ANKRD13B: variants seen among roughly 807,000 people sequenced by gnomAD.
ANKRD13B encodes ankyrin repeat domain-containing protein 13B.
Under a neutral mutation model 74.4 loss-of-function variants are expected in ANKRD13B, and 33 were observed. The observed-to-expected ratio is 0.44, with a 90% CI of 0.34 to 0.59. ANKRD13B has a LOEUF of 0.59. ANKRD13B is among the 20% of genes least tolerant of loss of function. ANKRD13B has a pLI of 0.02. For missense variants in ANKRD13B, 676 were observed against 877.9 expected, an observed-to-expected ratio of 0.77 and a Z score of 2.91; for synonymous variants, 341 against 362.9, an observed-to-expected ratio of 0.94 and a Z score of 0.68.
At chr17:29,596,171 G>A (rs543364438) in intron 1 of ANKRD13B, among the ~76,000 whole-genome samples, 20 of 152,374 alleles carry the variant, frequency 1.3e-4, no homozygotes, top group Admixed American at 2.6e-4. Context: ...GAGGCCCTCC[G>A]TGGGCAGGCT....
At chr17:29,606,981 C>T (rs376461322) in intron 1 of ANKRD13B, among the ~76,000 whole-genome samples, 6 of 151,800 alleles carry the variant, frequency 4.0e-5, no homozygotes, top group African/African-American at 9.7e-5. Flanking sequence ...ACCTGGGAGA[C>T]GGAGGTTACA....
Position 29,608,654 on chromosome 17 carries a change from C to T in ANKRD13B, c.422-197C>T. 2.9e-6 allele frequency: 2 copies of T among 689,680 alleles called. No homozygotes were observed. The highest frequency in any genetic ancestry group is 2.8e-5 in the East Asian group (1 of 36,278). 42.7% of individuals were successfully genotyped at this position (689,680 alleles called of 1,614,324 possible). ...GACTTAGTGGTGACAGAAACATGCC[C>T]GTCCCGACCTCAGGTTGCTCTTCTG... On this transcript the variant is annotated intron_variant, in intron 4 of 14. Transcript: ENST00000394859. The surrounding 1 kb of genome is among the most constrained non-coding windows in gnomAD (Gnocchi z 6.4).
At chr17:29,607,520 C>G (rs2150894224) in intron 1 of ANKRD13B, among the ~76,000 whole-genome samples, 1 of 152,374 alleles carries the variant, frequency 6.6e-6, no homozygotes, top group Middle Eastern at 3.4e-3. Flanking sequence ...TCTGTCCTGT[C>G]TTCTAAGCCC....
intron 1 of ANKRD13B, 181 bp downstream of exon 1, chr17:29,593,916 C>A: frequency 6.2e-6 from 1 of 162,558 alleles, no homozygotes; most frequent in South Asian, 1.8e-4. Flanking sequence ...CCGGGACGGG[C>A]GGGACCACAC....
In ANKRD13B at chr17:29,608,348, C is replaced by T; in HGVS notation, c.421+108C>T. ...AGTTCTTCCGGCGGTTCCCTCTATG[C>T]CTTAGCTCAGCTCAGGGCCACCGCC... On this transcript the variant is annotated intron_variant, in intron 4 of 14. Transcript: ENST00000394859. The surrounding 1 kb of genome is among the most constrained non-coding windows in gnomAD (Gnocchi z 6.4). 6.9e-7 allele frequency: 1 copy of T among 1,456,886 alleles called. No individual in the cohort carries two copies. 90.2% of individuals were successfully genotyped at this position (1,456,886 alleles called of 1,614,324 possible). A position where few individuals can be genotyped will look rare whatever the true frequency, so the allele number is the denominator to read the frequency against.
At chr17:29,597,645 G>C (rs2034000120) in intron 1 of ANKRD13B, among the ~76,000 whole-genome samples, 1 of 152,112 alleles carries the variant, frequency 6.6e-6, no homozygotes, top group Non-Finnish European at 1.5e-5. Flanking sequence ...AGGAGAAGCT[G>C]GAGGCCTCTG....
At position 29,599,370 on chromosome 17, in the gene ANKRD13B, A is replaced by C. The variant is rs189137329; in HGVS notation, c.114+5635A>C. On this transcript the variant is annotated intron_variant, in intron 1 of 14. Coordinates refer to ENST00000394859, the MANE Select transcript of ANKRD13B (RefSeq NM_152345.5). ...TTTAGCTGCCATAGGTGAGGTGGAC[A>C]ATAGAGCCTGGCAACCGGGGAGCAG... 2.6e-5 allele frequency: 3 copies of C among 113,264 alleles called. No homozygotes were observed. In the East Asian group the frequency reaches 6.2e-4, roughly 23 times the overall value. 7.0% of individuals were successfully genotyped at this position (113,264 alleles called of 1,614,324 possible).
chr17:29,608,092 C>T lies in ANKRD13B; in HGVS notation c.357C>T (p.Leu119=), dbSNP rs763817114. Residue 119 remains leucine, a synonymous_variant, in exon 3 of 15, where the codon CTC becomes CTT. Coordinates refer to ENST00000394859, the MANE Select transcript of ANKRD13B (RefSeq NM_152345.5). This position sits in a 1 kb window ranked among gnomAD's most constrained non-coding sequence, Gnocchi z 6.4. ...AGCGGCTGGCGGGCATCCCCGTGCT[C>T]CTGGAGAAGCTGCGCAAGGTGAGGC... The part of the protein sequence containing the change: ...VVKRLAGIPV[L]LEKLRKAQDF... 10 of 1,612,906 alleles carry T rather than the reference C, an allele frequency of 6.2e-6. No homozygotes were observed. The highest frequency in any genetic ancestry group is 4.2e-6 in the Non-Finnish European group (5 of 1,179,654).
chr17:29,611,712 G>A lies in ANKRD13B; in HGVS notation c.969+69G>A, dbSNP rs966640557. On this transcript the variant is annotated intron_variant, in intron 9 of 14. Coordinates refer to ENST00000394859, the MANE Select transcript of ANKRD13B (RefSeq NM_152345.5). The surrounding 1 kb of genome is among the most constrained non-coding windows in gnomAD (Gnocchi z 4.3). ...TGGCTCAGGAGGAGGCTTGGGAAGC[G>A]TCCTGCTTAGCATGGCCTATGTGGA... is the stretch of plus-strand genomic sequence containing the variant. 3.8e-5 allele frequency: 60 copies of A among 1,587,260 alleles called. No individual in the cohort carries two copies. Among genetic ancestry groups the A allele is most frequent in the South Asian group, 3.1e-4 (28 of 90,516 alleles).
At chr17:29,599,970 G>A (rs368106806) in intron 1 of ANKRD13B, among the ~76,000 whole-genome samples, 17 of 129,030 alleles carry the variant, frequency 1.3e-4, no homozygotes, top group East Asian at 7.6e-4. Context: ...TCCGCCTCCC[G>A]GGTTCACACC....
intron 1 of ANKRD13B, among the ~76,000 whole-genome samples, chr17:29,602,984 G>A (rs567390763): frequency 6.6e-6 from 1 of 152,142 alleles, no homozygotes; most frequent in African/African-American, 2.4e-5. Flanking sequence ...CCAAGTAGCT[G>A]GGACTACAGG....
intron 14 of ANKRD13B, 117 bp from the exon 15 acceptor site, chr17:29,613,237 C>G: frequency 7.2e-7 from 1 of 1,397,450 alleles, no homozygotes; most frequent in South Asian, 1.5e-5. Flanking sequence ...GCGGGACTGA[C>G]CGCCTCCACT....
Position 29,593,903 on chromosome 17 carries a change from C to A in ANKRD13B, c.114+168C>A, listed in dbSNP as rs962422417. The A allele has an allele frequency of 8.4e-5, 9 of 107,510 alleles. 1 individual carries two copies. The Middle Eastern group carries it at 7.5e-3, about 90-fold the overall frequency. The allele number at this position is 107,510 out of a possible 1,614,324, so 6.7% of individuals were successfully genotyped here. On this transcript the variant is annotated intron_variant, in intron 1 of 14. Transcript: ENST00000394859. ...TTGACCGGGAAAGGGTGATCCCCTCCGGCCGGGACGGGCGGGACCACACGT... is the reference window on the plus strand; with the variant it reads ...TTGACCGGGAAAGGGTGATCCCCTCAGGCCGGGACGGGCGGGACCACACGT...
At position 29,612,862 on chromosome 17, in the gene ANKRD13B, G is replaced by C; in HGVS notation, c.1576-25G>C. The C allele has an allele frequency of 6.2e-7, 1 of 1,600,328 alleles. No homozygotes were observed. The highest frequency in any genetic ancestry group is 1.1e-5 in the South Asian group (1 of 90,910). ...GGGCCACGGGACTCCGCGCCGCCAC[G>C]GCTAACGCCCACGCCTCCCCGCAGG... is the stretch of plus-strand genomic sequence containing the variant. On this transcript the variant is annotated intron_variant, in intron 13 of 14. Transcript: ENST00000394859. This position sits in a 1 kb window ranked among gnomAD's most constrained non-coding sequence, Gnocchi z 6.1.
At chr17:29,605,415 A>AC (rs1567789763) in intron 1 of ANKRD13B, among the ~76,000 whole-genome samples, 55 of 149,604 alleles carry the variant, frequency 3.7e-4, no homozygotes, top group Admixed American at 5.3e-4. Flanking sequence ...TACACACACA[A>AC]ACACACACAC....
rs760502252 is a variant in ANKRD13B at position 29,612,620 on chromosome 17, G to C, written c.1412-32G>C. 6.6e-7 allele frequency: 1 copy of C among 1,520,412 alleles called. No individual in the cohort carries two copies. Among genetic ancestry groups the C allele is most frequent in the Middle Eastern group, 2.1e-4 (1 of 4,672 alleles). The allele number at this position is 1,520,412 out of a possible 1,614,324, so 94.2% of individuals were successfully genotyped here. A position where few individuals can be genotyped will look rare whatever the true frequency, so the allele number is the denominator to read the frequency against. ...CGGGGTGGGTGGGAGGGGCGCGCCC[G>C]GCCGTGCCTGACCCAGCCCCCGCGC... On this transcript the variant is annotated intron_variant, in intron 12 of 14. Coordinates refer to ENST00000394859, the MANE Select transcript of ANKRD13B (RefSeq NM_152345.5). This position sits in a 1 kb window ranked among gnomAD's most constrained non-coding sequence, Gnocchi z 6.1.
Position 29,605,415 on chromosome 17 carries a change from AACACAC to A in ANKRD13B, c.115-2313_115-2308del, listed in dbSNP as rs35418248. Among the ~76,000 whole-genome samples the A allele has an allele frequency of 3.3e-3, 496 of 149,600 alleles. 2 individuals are homozygous for A. The highest frequency in any genetic ancestry group is 0.012 in the African/African-American group (479 of 40,462). ...AGAAATATATATATATACACACACA[AACACAC>A]ACACACACACACATACACACACACA... On this transcript the variant is annotated intron_variant, in intron 1 of 14. Transcript: ENST00000394859.
chr17:29,596,793 G>A (rs962873752), intron 1 of ANKRD13B, among the ~76,000 whole-genome samples: 1 of 152,206 alleles, frequency 6.6e-6, no homozygotes, highest in Admixed American at 6.5e-5. Context: ...CCTGGATGTG[G>A]GGCATCACCA....
Position 29,613,397 on chromosome 17 carries a change from T to C in ANKRD13B, c.1696T>C (p.Ser566Pro). 6.7e-7 allele frequency: 1 copy of C among 1,490,380 alleles called. No homozygotes were observed. 92.3% of individuals were successfully genotyped at this position (1,490,380 alleles called of 1,614,324 possible). ...TPQRQPAPPA[S>P]VPSPRPSSGP... ...GCAGCGCCAGCCTGCGCCCCCGGCG[T>C]CAGTGCCCAGCCCTCGGCCCAGCTC... The change falls in exon 15 of 15, where the codon TCA becomes CCA. Residue 566 changes from serine to proline, a missense_variant. Physicochemically the swap from Ser to Pro is moderately conservative, Grantham distance 74. This residue lies in a region of ANKRD13B where 108 missense variants were observed against 90.3 expected (regional missense o/e 1.20). Coordinates refer to ENST00000394859, the MANE Select transcript of ANKRD13B (RefSeq NM_152345.5).
Sources: allele counts gnomAD v4.1 joint callset (sites outside exome capture counted in the v4.1 genomes callset), GRCh38; gene constraint gnomAD v4.1.1; regional missense constraint gnomAD v4.1.1; non-coding constraint Gnocchi (gnomAD v3.1); transcripts MANE v1.5; gene names NCBI Gene and HGNC (gene_info 2026-07-23, HGNC 2026-07-21).